The following CHPF2 variants were observed in gnomAD, a reference collection of about 807,000 sequenced individuals.
The protein encoded by CHPF2 is chondroitin polymerizing factor 2, also known as chondroitin polymerizing factor 2, non-catalytic subunit.
Under a neutral mutation model 63.0 loss-of-function variants are expected in CHPF2, and 58 were observed. That is an observed-to-expected ratio of 0.92 (90% confidence interval 0.75 to 1.15). The LOEUF (loss-of-function observed/expected upper bound fraction) is 1.15. Ranked by LOEUF, CHPF2 falls within the 50% of genes most tolerant of loss-of-function variation. CHPF2 has a pLI of 0.00. For synonymous variants in CHPF2, 442 were observed against 438.0 expected (o/e 1.01, Z -0.11); for missense variants, 1,045 against 1,035.4 (o/e 1.01, Z -0.13).
rs772517432 is a variant in CHPF2 at position 151,234,016 on chromosome 7, G to A, written c.5G>A (p.Arg2Gln). 31 of 1,518,838 alleles carry A rather than the reference G, an allele frequency of 2.0e-5. No homozygotes were observed. Among genetic ancestry groups the A allele is most frequent in the South Asian group, 1.3e-4 (10 of 76,266 alleles). The allele number at this position is 1,518,838 out of a possible 1,614,324, so 94.1% of individuals were successfully genotyped here. MRLSSLLALLRP... is the reference protein window; with the variant it reads MQLSSLLALLRP... ...CACCTGGCAGGGCCTACCACCATGC[G>A]ACTGAGCTCCCTGTTGGCTCTGCTG... Residue 2 changes from arginine (R) to glutamine (Q), a missense_variant, in exon 1 of 4, where the codon CGA becomes CAA. Coordinates refer to ENST00000035307, the MANE Select transcript of CHPF2 (RefSeq NM_019015.3).
rs964827971 is a variant in CHPF2, at chr7:151,237,598, G to T, written c.1236G>T (p.Glu412Asp). The T allele has an allele frequency of 1.2e-6, 2 of 1,613,506 alleles. No homozygotes were observed. The highest frequency in any genetic ancestry group is 1.7e-6 in the Non-Finnish European group (2 of 1,179,990). ...DVGDALETAL[E>D]QLNRRYQPRL... ...GTGATGCGTTGGAGACTGCCCTGGAGCAGCTCAATCGGCGCTATCAGCCCC... is the reference window on the plus strand; with the variant it reads ...GTGATGCGTTGGAGACTGCCCTGGATCAGCTCAATCGGCGCTATCAGCCCC... The change falls in exon 4 of 4, where the codon GAG (glutamate) becomes GAT (aspartate). Residue 412 changes from glutamate (E) to aspartate (D), a missense_variant. By Grantham distance (45) the Glu-to-Asp change is conservative. Transcript: ENST00000035307.
Position 151,238,025 on chromosome 7 carries a change from C to T in CHPF2, c.1663C>T (p.Arg555Trp), listed in dbSNP as rs139831103. The T allele has an allele frequency of 1.9e-4, 313 of 1,612,976 alleles. No individual in the cohort carries two copies. The highest frequency in any genetic ancestry group is 3.1e-4 in the African/African-American group (23 of 75,076). ...GGCTGCAGCAGCGGAGTTAGAGCGA[C>T]GGTACCCTGGGACGAGGCTGGCCTG... ...VKAAAAELER[R>W]YPGTRLAWLA... The change falls in exon 4 of 4, where the codon CGG becomes TGG. Residue 555 changes from arginine (R) to tryptophan (W), a missense_variant. Coordinates refer to ENST00000035307, the MANE Select transcript of CHPF2 (RefSeq NM_019015.3).
chr7:151,234,784 C>T (rs1584853426), intron 1 of CHPF2, among the ~76,000 whole-genome samples: 1 of 152,098 alleles, frequency 6.6e-6, no homozygotes, highest in Non-Finnish European at 1.5e-5. Context: ...AGCTACCGTG[C>T]CCAGCCAGGG....
Position 151,237,699 on chromosome 7 carries a change from T to G in CHPF2, c.1337T>G (p.Leu446Arg). ...FDPARGMEYT[L>R]DLLLECVTQR... ...CCAGCACGGGGCATGGAGTACACCC[T>G]GGACCTGCTGTTGGAATGTGTGACA... The change falls in exon 4 of 4, where the codon CTG becomes CGG. Residue 446 changes from leucine to arginine, a missense_variant. Transcript: ENST00000035307. 6.2e-7 allele frequency: 1 copy of G among 1,612,984 alleles called. No individual in the cohort carries two copies. The highest frequency in any genetic ancestry group is 8.5e-7 in the Non-Finnish European group (1 of 1,179,904).
chr7:151,235,878 C>T (rs902806936), intron 2 of CHPF2, among the ~76,000 whole-genome samples: 2 of 152,200 alleles, frequency 1.3e-5, no homozygotes, highest in African/African-American at 4.8e-5. Flanking sequence ...ACACCTCCCC[C>T]GACATCCACA....
Position 151,237,548 on chromosome 7 carries a change from CA to C in CHPF2, c.1187del (p.Gln396ArgfsTer58). ...CADGAPKCPL[Q>X]GASRADVGDA... ...AGATGGGGCTCCCAAGTGCCCACTA[CA>C]GGGGGCTAGCAGGGCGGACGTGGGT... On this transcript the variant is annotated frameshift_variant, in exon 4 of 4. Coordinates refer to ENST00000035307, the MANE Select transcript of CHPF2 (RefSeq NM_019015.3). LOFTEE classifies it high-confidence loss of function. The C allele has an allele frequency of 6.2e-7, 1 of 1,613,956 alleles. No individual in the cohort carries two copies. Among genetic ancestry groups the C allele is most frequent in the Non-Finnish European group, 8.5e-7 (1 of 1,180,016 alleles).
In CHPF2 at chr7:151,232,871, A is replaced by C. The variant is rs1802512280; in HGVS notation, c.-1141A>C. The C allele has an allele frequency of 2.8e-6, 4 of 1,418,724 alleles. No homozygotes were observed. The highest frequency in any genetic ancestry group is 3.7e-6 in the Non-Finnish European group (4 of 1,090,706). The allele number at this position is 1,418,724 out of a possible 1,614,324, so 87.9% of individuals were successfully genotyped here. A position where few individuals can be genotyped will look rare whatever the true frequency, so the allele number is the denominator to read the frequency against. On this transcript the variant is annotated 5_prime_UTR_variant, in exon 1 of 4. Coordinates refer to ENST00000035307, the MANE Select transcript of CHPF2 (RefSeq NM_019015.3). The stretch of plus-strand genomic sequence containing the variant: ...CGACCCCGCCTCGCAGAACGACCCG[A>C]GCTGGTCTCCCGAGCCCCCTTCTCA...
Position 151,238,599 on chromosome 7 carries a change from G to A in CHPF2, c.2237G>A (p.Arg746His), listed in dbSNP as rs138308089. 178 of 1,612,824 alleles carry A rather than the reference G, an allele frequency of 1.1e-4. No individual in the cohort carries two copies. The highest frequency in any genetic ancestry group is 1.5e-4 in the Admixed American group (9 of 59,982). The change falls in exon 4 of 4, where the codon CGC becomes CAC. Residue 746 changes from arginine to histidine, a missense_variant. Transcript: ENST00000035307. ...AGTGAAGAACTCTACCACCGCTGCC[G>A]CCTCAGCAACCTGGAGGGGCTAGGG... is the stretch of plus-strand genomic sequence containing the variant. ...RLSEELYHRC[R>H]LSNLEGLGGR...
Position 151,235,546 on chromosome 7 carries a change from T to G in CHPF2, c.762T>G (p.Arg254=). 1.2e-6 allele frequency: 2 copies of G among 1,610,898 alleles called. No individual in the cohort carries two copies. The highest frequency in any genetic ancestry group is 2.2e-5 in the South Asian group (2 of 91,084). ...GCCGAGGAGACATTCTCAGTGCCCGTCCTGACGAGTGGCTTGGACGCTGCC... is the reference window on the plus strand; with the variant it reads ...GCCGAGGAGACATTCTCAGTGCCCGGCCTGACGAGTGGCTTGGACGCTGCC... ...DGCRGDILSA[R]PDEWLGRCLI... is the part of the protein sequence containing the mutation. Residue 254 remains arginine (R), a synonymous_variant, in exon 2 of 4, where the codon CGT becomes CGG. Transcript: ENST00000035307.
intron 3 of CHPF2, 97 bp from the exon 4 acceptor site, chr7:151,237,277 A>T: frequency 1.1e-6 from 1 of 887,026 alleles, no homozygotes; most frequent in Non-Finnish European, 1.7e-6. Context: ...TGGAGTTAGG[A>T]CAGAGCTCAG....
chr7:151,234,927 CAAGG>C lies in CHPF2; in HGVS notation c.264-113_264-110del, dbSNP rs1213960459. The C allele has an allele frequency of 7.7e-5, 54 of 699,380 alleles. No homozygotes were observed. The East Asian group carries it at 1.4e-3, about 18-fold the overall frequency. 43.3% of individuals were successfully genotyped at this position (699,380 alleles called of 1,614,324 possible). On this transcript the variant is annotated intron_variant, in intron 1 of 3. Transcript: ENST00000035307. ...CAGTTCAGTACCTAATTAATATTGA[CAAGG>C]AAGGAAGTTTCTCCCTTCTCAGCCC...
Position 151,232,670 on chromosome 7 carries a change from C to G in CHPF2, c.-1342C>G. The G allele has an allele frequency of 7.6e-7, 1 of 1,323,840 alleles. No homozygotes were observed. Among genetic ancestry groups the G allele is most frequent in the Non-Finnish European group, 1.0e-6 (1 of 985,366 alleles). 82.0% of individuals were successfully genotyped at this position (1,323,840 alleles called of 1,614,324 possible). ...CGGGACGCCGGGAGACCCCGGCCGTCCTTTATCCGGTGTCCGCCGGCCCCC... is the reference window on the plus strand; with the variant it reads ...CGGGACGCCGGGAGACCCCGGCCGTGCTTTATCCGGTGTCCGCCGGCCCCC... On this transcript the variant is annotated 5_prime_UTR_variant, in exon 1 of 4. Coordinates refer to ENST00000035307, the MANE Select transcript of CHPF2 (RefSeq NM_019015.3).
In CHPF2 at chr7:151,234,285, CAT is replaced by C. The variant is rs1474405078; in HGVS notation, c.263+12_263+13del. ...CAAGAAGGTGCTCAGGTGAGAGCAA[CAT>C]GTGTGCATAGTCCCCAGACACTGGC... is the stretch of plus-strand genomic sequence containing the variant. On this transcript the variant is annotated intron_variant, in intron 1 of 3. Coordinates refer to ENST00000035307, the MANE Select transcript of CHPF2 (RefSeq NM_019015.3). 1.3e-6 allele frequency: 2 copies of C among 1,541,674 alleles called. No individual in the cohort carries two copies. The highest frequency in any genetic ancestry group is 8.7e-7 in the Non-Finnish European group (1 of 1,143,130).
Position 151,238,283 on chromosome 7 carries a change from G to A in CHPF2, c.1921G>A (p.Gly641Arg). The A allele has an allele frequency of 6.2e-7, 1 of 1,611,470 alleles. No homozygotes were observed. The highest frequency in any genetic ancestry group is 8.5e-7 in the Non-Finnish European group (1 of 1,179,050). Residue 641 changes from glycine to arginine, a missense_variant, in exon 4 of 4, where the codon GGG (glycine) becomes AGG (arginine). Gly to Arg is a moderately radical substitution (Grantham distance 125). Coordinates refer to ENST00000035307, the MANE Select transcript of CHPF2 (RefSeq NM_019015.3). ...ACAGAGATCACCCCCAGGGCCCCCGGGGGCTGGCCCTGACCCCCCCTCCCC... is the reference window on the plus strand; with the variant it reads ...ACAGAGATCACCCCCAGGGCCCCCGAGGGCTGGCCCTGACCCCCCCTCCCC... ...SPQRSPPGPP[G>R]AGPDPPSPPG...
rs778483241 is a variant in CHPF2 at position 151,235,108 on chromosome 7, C to T, written c.324C>T (p.Thr108=). ...SRERLLVAVL[T]SRATLSTLAV... The stretch of plus-strand genomic sequence containing the variant: ...AGCGGTTGCTGGTGGCTGTCCTGAC[C>T]TCCCGAGCTACACTGTCCACTTTGG... The change falls in exon 2 of 4, where the codon ACC becomes ACT. Residue 108 remains threonine (T), a synonymous_variant. Coordinates refer to ENST00000035307, the MANE Select transcript of CHPF2 (RefSeq NM_019015.3). 2.5e-6 allele frequency: 4 copies of T among 1,598,490 alleles called. No homozygotes were observed. The East Asian group carries it at 6.7e-5, about 27-fold the overall frequency.
intron 3 of CHPF2, 190 bp from the exon 4 acceptor site, chr7:151,237,184 T>G: frequency 1.6e-6 from 1 of 612,478 alleles, no homozygotes; most frequent in South Asian, 1.9e-5. Context: ...TGAGTATGAT[T>G]CCTATTCCAT....
chr7:151,233,337 C>T lies in CHPF2; in HGVS notation c.-675C>T, dbSNP rs368517949. ...GTGGGCAGAACTTATGTGTGCCATG[C>T]GAGTGGCTCCAGACCGCTCCTGAGT... is the stretch of plus-strand genomic sequence containing the variant. On this transcript the variant is annotated 5_prime_UTR_variant, in exon 1 of 4. An upstream open reading frame in the 5' UTR gains an earlier in-frame stop. Transcript: ENST00000035307. The T allele has an allele frequency of 1.0e-5, 10 of 986,136 alleles. No individual in the cohort carries two copies. The East Asian group carries it at 4.5e-4, about 45-fold the overall frequency. 61.1% of individuals were successfully genotyped at this position (986,136 alleles called of 1,614,324 possible).
Position 151,237,402 on chromosome 7 carries a change from C to A in CHPF2, c.1040C>A (p.Thr347Asn), listed in dbSNP as rs1461154727. 1 of 1,604,798 alleles carries A rather than the reference C, an allele frequency of 6.2e-7. No individual in the cohort carries two copies. The highest frequency in any genetic ancestry group is 1.1e-5 in the South Asian group (1 of 90,730). ...QAQIRNLTVL[T>N]PEGEAGLSWP... ...CAGATCCGGAACCTGACCGTGCTGA[C>A]CCCCGAAGGGGAGGCAGGGCTGAGC... is the stretch of plus-strand genomic sequence containing the variant. The change falls in exon 4 of 4, where the codon ACC (threonine) becomes AAC (asparagine). Residue 347 changes from threonine to asparagine, a missense_variant. Thr to Asn is a moderately conservative substitution (Grantham distance 65). Coordinates refer to ENST00000035307, the MANE Select transcript of CHPF2 (RefSeq NM_019015.3).
Position 151,233,487 on chromosome 7 carries a change from C to T in CHPF2, c.-525C>T. Reference sequence around the variant, plus strand: ...AGTGGCTCAGCAGCCCCTTCAGTAGCCCGCCTGAGGACCGATGCCAGAGGC... The same window carrying T: ...AGTGGCTCAGCAGCCCCTTCAGTAGTCCGCCTGAGGACCGATGCCAGAGGC... On this transcript the variant is annotated 5_prime_UTR_variant, in exon 1 of 4. Coordinates refer to ENST00000035307, the MANE Select transcript of CHPF2 (RefSeq NM_019015.3). The T allele has an allele frequency of 2.0e-6, 2 of 985,844 alleles. No homozygotes were observed. Among genetic ancestry groups the T allele is most frequent in the Non-Finnish European group, 2.4e-6 (2 of 830,214 alleles). The allele number at this position is 985,844 out of a possible 1,614,324, so 61.1% of individuals were successfully genotyped here.
Sources: allele counts gnomAD v4.1 joint callset (sites outside exome capture counted in the v4.1 genomes callset), GRCh38; gene constraint gnomAD v4.1.1; transcripts MANE v1.5; gene names NCBI Gene and HGNC (gene_info 2026-07-23, HGNC 2026-07-21).